Variants in TECPR1 observed in about 807,000 individuals in gnomAD.
TECPR1 encodes tectonin beta-propeller repeat containing 1.
A neutral mutation model predicts 162.4 loss-of-function variants in TECPR1; 122 were observed. That is an observed-to-expected ratio of 0.75 (90% CI 0.65 to 0.87). The LOEUF is 0.87. Among genes scored for constraint, TECPR1 ranks in the 40% least tolerant of loss-of-function variants. The pLI is 0.00. For synonymous variants in TECPR1, 642 were observed against 670.6 expected (o/e 0.96, Z 0.66); for missense variants, 1,432 against 1,618.2 (o/e 0.88, Z 1.97).
In TECPR1 at chr7:98,241,017, C is replaced by A. The variant is rs1798732948; in HGVS notation, c.832+53G>T. ...CTGGACAGCTGGGGAGCGAGTGACC[C>A]TCACCCTTCTCCCCAGTACAGGGTA... On this transcript the variant is annotated intron_variant, in intron 7 of 25. Transcript: ENST00000447648. This position sits in a 1 kb window ranked among gnomAD's most constrained non-coding sequence, Gnocchi z 5.0. 9.5e-6 allele frequency: 15 copies of A among 1,585,866 alleles called. No homozygotes were observed. Among genetic ancestry groups the A allele is most frequent in the Non-Finnish European group, 1.3e-5 (15 of 1,166,736 alleles).
chr7:98,241,242 C>A lies in TECPR1; in HGVS notation c.660G>T (p.Val220=). ...AGTGGCTGACGTCCTCTCTGTACCA[C>A]ACCTGGGAGGCAAGACAGGGACACA... The part of the protein sequence containing the change: ...SVWAVSLQGK[V]WYREDVSHSN... Residue 220 remains valine (V), a splice_region_variant and synonymous_variant, in exon 7 of 26, where the codon GTG becomes GTT. Coordinates refer to ENST00000447648, the MANE Select transcript of TECPR1 (RefSeq NM_015395.3). The surrounding 1 kb of genome is among the most constrained non-coding windows in gnomAD (Gnocchi z 5.0). 1 of 1,612,480 alleles carries A rather than the reference C, an allele frequency of 6.2e-7. No homozygotes were observed. Among genetic ancestry groups the A allele is most frequent in the Non-Finnish European group, 8.5e-7 (1 of 1,179,728 alleles).
chr7:98,224,371 G>C (rs182198488), intron 19 of TECPR1, among the ~76,000 whole-genome samples: 1 of 152,198 alleles, frequency 6.6e-6, no homozygotes, highest in African/African-American at 2.4e-5. Flanking sequence ...CTAACATCTC[G>C]TGTTGGGTCC....
chr7:98,223,892 T>G, intron 19 of TECPR1, 174 bp from the exon 20 acceptor site: 1 of 650,910 alleles, frequency 1.5e-6, no homozygotes, highest in Non-Finnish European at 2.6e-6. Context: ...AGGCGCTTCC[T>G]GGCTGCCCCG....
In TECPR1 at chr7:98,232,689, T is replaced by C; in HGVS notation, c.1818+138A>G. On this transcript the variant is annotated intron_variant, in intron 12 of 25. Coordinates refer to ENST00000447648, the MANE Select transcript of TECPR1 (RefSeq NM_015395.3). The surrounding 1 kb of genome is among the most constrained non-coding windows in gnomAD (Gnocchi z 4.6). ...GACGAAGAAACCCTGAGCTCATTTC[T>C]CTATGCCTGCATCTGGGCGGGAGAC... 1 of 1,182,784 alleles carries C rather than the reference T, an allele frequency of 8.5e-7. No homozygotes were observed. Among genetic ancestry groups the C allele is most frequent in the Non-Finnish European group, 1.1e-6 (1 of 873,530 alleles). The allele number at this position is 1,182,784 out of a possible 1,614,324, so 73.3% of individuals were successfully genotyped here.
chr7:98,245,464 AT>A (rs935808848), intron 3 of TECPR1, among the ~76,000 whole-genome samples: 4 of 151,768 alleles, frequency 2.6e-5, no homozygotes, highest in African/African-American at 9.7e-5. Context: ...TGCAACTTGA[AT>A]TTTTTTTGGA....
Position 98,214,671 on chromosome 7 carries a change from G to C in TECPR1, c.*2719C>G, listed in dbSNP as rs578034770. ...TGCCCCTGAACTTGCTGAATGGACC[G>C]ACGAGCTGAGCCTGAAAGCCCAGAA... On this transcript the variant is annotated 3_prime_UTR_variant, in exon 26 of 26. Coordinates refer to ENST00000447648, the MANE Select transcript of TECPR1 (RefSeq NM_015395.3). The C allele has an allele frequency of 6.6e-6, 1 of 152,368 alleles. No homozygotes were observed. The allele number at this position is 152,368 out of a possible 1,614,324, so 9.4% of individuals were successfully genotyped here.
intron 8 of TECPR1, among the ~76,000 whole-genome samples, chr7:98,240,202 G>A (rs1472201804): frequency 1.3e-5 from 2 of 152,142 alleles, no homozygotes; most frequent in Non-Finnish European, 2.9e-5. Flanking sequence ...GACAAGCAGT[G>A]ACTAGAGGAT....
rs1798903890 is a variant in TECPR1, at chr7:98,246,154, G to A, written c.-8C>T. 2 of 1,538,050 alleles carry A rather than the reference G, an allele frequency of 1.3e-6. No homozygotes were observed. The highest frequency in any genetic ancestry group is 3.9e-5 in the Admixed American group (2 of 50,900). ...CAGCACTGAGTTGGGCATGGCAGCG[G>A]CTGGAGGTAACCTGCGGCAGGAGGA... On this transcript the variant is annotated 5_prime_UTR_variant, in exon 3 of 26. Coordinates refer to ENST00000447648, the MANE Select transcript of TECPR1 (RefSeq NM_015395.3).
At chr7:98,244,536 T>C (rs1277404814) in intron 5 of TECPR1, 35 bp downstream of exon 5, 10 of 1,582,906 alleles carry the variant, frequency 6.3e-6, no homozygotes, top group Non-Finnish European at 8.6e-6. Flanking sequence ...GTCCTGGCCC[T>C]ATCCTGCCCC....
Position 98,217,447 on chromosome 7 carries a change from C to T in TECPR1, c.3441G>A (p.Ser1147=), listed in dbSNP as rs775175455. ...RANATRAPRS[S]SQEQEPSAPP... ...GGGCACTCGGCTCCTGCTCCTGGGA[C>T]GAGCTCCGGGGGGCCCTGGTGGCAT... The change falls in exon 26 of 26, where the codon TCG becomes TCA. Residue 1147 remains serine (S), a synonymous_variant. Transcript: ENST00000447648. The T allele has an allele frequency of 1.7e-5, 28 of 1,609,706 alleles. No homozygotes were observed. Among genetic ancestry groups the T allele is most frequent in the African/African-American group, 6.7e-5 (5 of 74,994 alleles).
In TECPR1 at chr7:98,246,031, CTGACGCGCT is replaced by C; in HGVS notation, c.107_115del (p.Lys36_Val38del). 6.3e-7 allele frequency: 1 copy of C among 1,592,506 alleles called. No individual in the cohort carries two copies. The highest frequency in any genetic ancestry group is 8.5e-7 in the Non-Finnish European group (1 of 1,170,146). Reference sequence around the variant, plus strand: ...GCCCCAGCAGCACTGCGTGGTGGCGCTGACGCGCTTGAACTCCAGCTGGGAGTCCTTGCA... The same window carrying C: ...GCCCCAGCAGCACTGCGTGGTGGCGCTGAACTCCAGCTGGGAGTCCTTGCA... On this transcript the variant is annotated inframe_deletion, in exon 3 of 26. Transcript: ENST00000447648.
At position 98,241,710 on chromosome 7, in the gene TECPR1, G is replaced by A. The variant is rs1469705111; in HGVS notation, c.658-466C>T. ...CTGAACTGTTTGGCTCATTTTAGCT[G>A]GGGGAGACTACATGTCACTTCGTGA... is the stretch of plus-strand genomic sequence containing the variant. On this transcript the variant is annotated intron_variant, in intron 6 of 25. Transcript: ENST00000447648. The surrounding 1 kb of genome is among the most constrained non-coding windows in gnomAD (Gnocchi z 5.0). Among the ~76,000 whole-genome samples the A allele has an allele frequency of 1.3e-5, 2 of 152,178 alleles. No homozygotes were observed. Among genetic ancestry groups the A allele is most frequent in the African/African-American group, 2.4e-5 (1 of 41,444 alleles).
chr7:98,238,436 G>T, intron 9 of TECPR1, 73 bp downstream of exon 9: 1 of 1,245,584 alleles, frequency 8.0e-7, no homozygotes, highest in Non-Finnish European at 1.1e-6. Context: ...GCGGCCACTA[G>T]GCTATTGGGT....
chr7:98,227,958 G>C (rs1040140108), intron 17 of TECPR1, 56 bp downstream of exon 17: 25 of 1,456,068 alleles, frequency 1.7e-5, no homozygotes, highest in Middle Eastern at 3.5e-4. Context: ...TCCTATTTTT[G>C]CCAGGACTAA....
chr7:98,229,008 A>G (rs979575305), intron 16 of TECPR1, 31 bp downstream of exon 16: 38 of 1,590,334 alleles, frequency 2.4e-5, no homozygotes, highest in Non-Finnish European at 3.2e-5. Context: ...ACGCCCAGGA[A>G]GGCTCCGGGG....
Position 98,229,021 on chromosome 7 carries a change from G to A in TECPR1, c.2410+18C>T, listed in dbSNP as rs771930788. 13 of 1,598,038 alleles carry A rather than the reference G, an allele frequency of 8.1e-6. No individual in the cohort carries two copies. Among genetic ancestry groups the A allele is most frequent in the Middle Eastern group, 2.0e-4 (1 of 5,040 alleles). On this transcript the variant is annotated intron_variant, in intron 16 of 25. Transcript: ENST00000447648. ...GAACGCCCAGGAAGGCTCCGGGGGGGCTGTGGGCCGCCCTCACCTTGGAAG... is the reference window on the plus strand; with the variant it reads ...GAACGCCCAGGAAGGCTCCGGGGGGACTGTGGGCCGCCCTCACCTTGGAAG...
In TECPR1 at chr7:98,217,384, G is replaced by T; in HGVS notation, c.*6C>A. On this transcript the variant is annotated 3_prime_UTR_variant, in exon 26 of 26. Transcript: ENST00000447648. ...CCGTCCCTGCATGTAGGTGTGTGGG[G>T]GGGCCTCAGCAGCAGACGGGGCCAT... 1.3e-6 allele frequency: 2 copies of T among 1,541,000 alleles called. No homozygotes were observed. The highest frequency in any genetic ancestry group is 1.8e-6 in the Non-Finnish European group (2 of 1,132,940).
In TECPR1 at chr7:98,233,422, C is replaced by A; in HGVS notation, c.1671G>T (p.Ala557=). ...CCCAGGCCCTGCAGGAGCCCTTACC[C>A]GCCTGGACAGTGAACCATCTGGGCA... ...CAMPRWFTVQ[A]GLSSSVHMLS... The change falls in exon 11 of 26, where the codon GCG becomes GCT. Residue 557 remains alanine, a splice_region_variant and synonymous_variant. Transcript: ENST00000447648. 6.9e-7 allele frequency: 1 copy of A among 1,452,310 alleles called. No homozygotes were observed. Among genetic ancestry groups the A allele is most frequent in the South Asian group, 1.5e-5 (1 of 67,008 alleles). The allele number at this position is 1,452,310 out of a possible 1,614,324, so 90.0% of individuals were successfully genotyped here.
In TECPR1 at chr7:98,219,286, T is replaced by C. The variant is rs565870952; in HGVS notation, c.3158-1244A>G. The stretch of plus-strand genomic sequence containing the variant: ...TCTAGACCTAAAACCATACAAATTC[T>C]ATAAAAAAAACCTAGGAAAAACTAT... On this transcript the variant is annotated intron_variant, in intron 23 of 25. Coordinates refer to ENST00000447648, the MANE Select transcript of TECPR1 (RefSeq NM_015395.3). Among the ~76,000 whole-genome samples the C allele has an allele frequency of 8.5e-5, 13 of 152,120 alleles. No individual in the cohort carries two copies. In the East Asian group the frequency reaches 2.5e-3, roughly 29 times the overall value.
Sources: allele counts gnomAD v4.1 joint callset (sites outside exome capture counted in the v4.1 genomes callset), GRCh38; gene constraint gnomAD v4.1.1; non-coding constraint Gnocchi (gnomAD v3.1); transcripts MANE v1.5; gene names NCBI Gene and HGNC (gene_info 2026-07-23, HGNC 2026-07-21).